The following COL4A4 variants were observed in gnomAD, a reference collection of about 807,000 sequenced individuals.
COL4A4 encodes the protein collagen type IV alpha 4 chain.
Under a neutral mutation model 192.9 loss-of-function variants are expected in COL4A4, and 105 were observed. The observed-to-expected ratio is 0.54, with a 90% CI of 0.46 to 0.64. The LOEUF is 0.64. Ranked by LOEUF, COL4A4 falls within the 30% of genes least tolerant of loss-of-function variation. The pLI is 0.00. For synonymous variants in COL4A4, 762 were observed against 769.9 expected (o/e 0.99, Z 0.17); for missense variants, 1,967 against 2,169.3 (o/e 0.91, Z 1.85).
rs575072052 is a variant in COL4A4 at position 227,016,997 on chromosome 2, G to A, written c.4217-4700C>T. Among the ~76,000 whole-genome samples the A allele has an allele frequency of 9.2e-5, 14 of 152,308 alleles. 1 individual carries two copies. The South Asian group carries it at 2.1e-3, about 23-fold the overall frequency. ...TCTGGAACTCCACCACCTTCCAAGA[G>A]AGTATCAGTTATCTTGGAAGGAACA... On this transcript the variant is annotated intron_variant, in intron 44 of 47. Coordinates refer to ENST00000396625, the MANE Select transcript of COL4A4 (RefSeq NM_000092.5).
At chr2:227,012,066 A>T in intron 45 of COL4A4, 115 bp downstream of exon 45, 1 of 829,400 alleles carries the variant, frequency 1.2e-6, no homozygotes, top group Non-Finnish European at 2.1e-6. Flanking sequence ...GTCAGCATCT[A>T]AGGCAAATGA....
chr2:226,969,821 A>G, the COL4A4 span, among the ~76,000 whole-genome samples: 2 of 152,122 alleles, frequency 1.3e-5, no homozygotes, highest in African/African-American at 2.4e-5. Context: ...CATTCTTCAT[A>G]ATGCTAAATT....
chr2:227,068,327 C>A (rs2058480793), intron 25 of COL4A4, among the ~76,000 whole-genome samples: 1 of 152,094 alleles, frequency 6.6e-6, no homozygotes, highest in Non-Finnish European at 1.5e-5. Flanking sequence ...GAAACTATTC[C>A]AATCAATAGA....
intron 29 of COL4A4, among the ~76,000 whole-genome samples, chr2:227,057,208 A>G (rs1040609598): frequency 4.1e-4 from 63 of 152,260 alleles, no homozygotes; most frequent in Non-Finnish European, 3.2e-4. Flanking sequence ...GGCTCCTCTC[A>G]TGTAATGCAA....
At chr2:227,094,630 C>T (rs1474533026) in intron 19 of COL4A4, among the ~76,000 whole-genome samples, 2 of 152,094 alleles carry the variant, frequency 1.3e-5, no homozygotes, top group East Asian at 1.9e-4. Context: ...TACTGTACAG[C>T]GTGAAAATGA....
chr2:227,137,028 G>A lies in COL4A4; in HGVS notation c.192+3133C>T, dbSNP rs983203754. On this transcript the variant is annotated intron_variant, in intron 4 of 47. Coordinates refer to ENST00000396625, the MANE Select transcript of COL4A4 (RefSeq NM_000092.5). ...AATCCTCGCTGGAAGATGTCACAAC[G>A]ACTTGCAGCCTTCCCATGGAAAACC... Among the ~76,000 whole-genome samples the A allele has an allele frequency of 2.0e-5, 3 of 152,136 alleles. No homozygotes were observed. The South Asian group carries it at 6.2e-4, about 32-fold the overall frequency.
At chr2:227,037,547 A>C (rs1969929979) in intron 37 of COL4A4, among the ~76,000 whole-genome samples, 1 of 152,200 alleles carries the variant, frequency 6.6e-6, no homozygotes, top group Admixed American at 6.5e-5. Flanking sequence ...CAATAAACAT[A>C]CATTTGCATA....
chr2:226,982,909 G>A, the COL4A4 span, among the ~76,000 whole-genome samples: 28 of 152,244 alleles, frequency 1.8e-4, no homozygotes, highest in African/African-American at 5.8e-4. Context: ...TTTAACTAAC[G>A]ATTGTATTTG....
rs1411689737 is a variant in COL4A4 at position 227,080,454 on chromosome 2, G to T, written c.1792C>A (p.Pro598Thr). ...AGAATTCTACATACTGGAGGTCCTG[G>T]ATCCCCTTTTTCTCCAGCATGTCCA... ...RDGHAGEKGD[P>T]GPPGDHEDAT... is the part of the protein sequence containing the mutation. Residue 598 changes from proline (P) to threonine (T), a missense_variant, in exon 24 of 48, where the codon CCA becomes ACA. Coordinates refer to ENST00000396625, the MANE Select transcript of COL4A4 (RefSeq NM_000092.5). 4 of 1,613,802 alleles carry T rather than the reference G, an allele frequency of 2.5e-6. No individual in the cohort carries two copies. Among genetic ancestry groups the T allele is most frequent in the Non-Finnish European group, 3.4e-6 (4 of 1,179,854 alleles).
chr2:227,108,612 C>T lies in COL4A4; in HGVS notation c.704G>A (p.Gly235Asp). Residue 235 changes from glycine (G) to aspartate (D), a missense_variant, in exon 12 of 48, where the codon GGT (glycine) becomes GAT (aspartate). By Grantham distance (94) the Gly-to-Asp change is moderately conservative. Transcript: ENST00000396625. ...PGRPGLKGNPGVGVKGQMGDP... is the reference protein window; with the variant it reads ...PGRPGLKGNPDVGVKGQMGDP... ...TCCCATTTGCCCCTTTACTCCCACACCGGGATTTCCCTGAGAAAGAAATGA... is the reference window on the plus strand; with the variant it reads ...TCCCATTTGCCCCTTTACTCCCACATCGGGATTTCCCTGAGAAAGAAATGA... 1 of 1,614,046 alleles carries T rather than the reference C, an allele frequency of 6.2e-7. No homozygotes were observed. The highest frequency in any genetic ancestry group is 8.5e-7 in the Non-Finnish European group (1 of 1,179,928).
Position 227,005,620 on chromosome 2 carries a change from G to A in COL4A4, c.*1705C>T, listed in dbSNP as rs1367445698. ...TACTCTTAAAATAAATTGCCACCCT[G>A]GGGGCAGCCCATAGCAAAACTCATT... On this transcript the variant is annotated 3_prime_UTR_variant, in exon 48 of 48. Coordinates refer to ENST00000396625, the MANE Select transcript of COL4A4 (RefSeq NM_000092.5). The A allele has an allele frequency of 6.6e-6, 1 of 152,148 alleles. No individual in the cohort carries two copies. The highest frequency in any genetic ancestry group is 1.5e-5 in the Non-Finnish European group (1 of 68,026). 9.4% of individuals were successfully genotyped at this position (152,148 alleles called of 1,614,324 possible).
intron 31 of COL4A4, among the ~76,000 whole-genome samples, chr2:227,053,084 C>CTT (rs60307893): frequency 0.056 from 8,215 of 146,372 alleles, 724 homozygotes; most frequent in African/African-American, 0.19. Flanking sequence ...AACCACGGTG[C>CTT]TTTTTTTTTT....
At chr2:227,114,432 A>G (rs1190281450) in intron 8 of COL4A4, 196 bp downstream of exon 8, 3 of 677,288 alleles carry the variant, frequency 4.4e-6, no homozygotes, top group Non-Finnish European at 8.1e-6. Flanking sequence ...GGAATTTTAC[A>G]GTGCTGGAAT....
At chr2:227,094,399 G>T in intron 19 of COL4A4, 110 bp from the exon 20 acceptor site, 1 of 1,077,104 alleles carries the variant, frequency 9.3e-7, no homozygotes, top group Non-Finnish European at 1.4e-6. Flanking sequence ...TTTTTAAAGG[G>T]AAAGAGACGG....
chr2:227,092,765 A>G (rs2060007265), intron 20 of COL4A4, among the ~76,000 whole-genome samples: 1 of 152,180 alleles, frequency 6.6e-6, no homozygotes, highest in Non-Finnish European at 1.5e-5. Flanking sequence ...ATATTTATGG[A>G]AGCAAAATTA....
At chr2:227,023,181 C>G (rs549032249) in intron 43 of COL4A4, among the ~76,000 whole-genome samples, 1 of 152,078 alleles carries the variant, frequency 6.6e-6, no homozygotes, top group Admixed American at 6.5e-5. Flanking sequence ...TGGCTCACAC[C>G]TGTAATCCCA....
chr2:227,130,363 T>C (rs976957091), intron 4 of COL4A4, among the ~76,000 whole-genome samples: 1 of 151,846 alleles, frequency 6.6e-6, no homozygotes, highest in Non-Finnish European at 1.5e-5. Flanking sequence ...TGGAGAAGGG[T>C]TTTCCCATTT....
chr2:227,121,344 C>T (rs2061772477), intron 4 of COL4A4, among the ~76,000 whole-genome samples, 196 bp from the exon 5 acceptor site: 1 of 152,102 alleles, frequency 6.6e-6, no homozygotes. Context: ...ACGAGGTTCA[C>T]TCGAGCTCAG....
At chr2:227,084,030 G>C (rs3923085) in intron 22 of COL4A4, among the ~76,000 whole-genome samples, 3 of 152,072 alleles carry the variant, frequency 2.0e-5, no homozygotes, top group Non-Finnish European at 4.4e-5. Context: ...TATCACTCTA[G>C]TATAGCATCC....
Sources: allele counts gnomAD v4.1 joint callset (sites outside exome capture counted in the v4.1 genomes callset), GRCh38; gene constraint gnomAD v4.1.1; transcripts MANE v1.5; gene names NCBI Gene and HGNC (gene_info 2026-07-23, HGNC 2026-07-21).